PNPT1: variants seen among roughly 807,000 people sequenced by gnomAD.
The protein encoded by PNPT1 is polyribonucleotide nucleotidyltransferase 1, mitochondrial.
PNPT1 carries 53 observed loss-of-function variants against 119.5 expected under a neutral mutation model. The observed-to-expected ratio is 0.44, with a 90% CI of 0.36 to 0.56. PNPT1 has a LOEUF of 0.56. Among genes scored for constraint, PNPT1 ranks in the 20% least tolerant of loss-of-function variants. The pLI, the probability that PNPT1 is intolerant of heterozygous loss-of-function variation, is 0.00. For missense variants in PNPT1, 948 were observed against 938.5 expected, an observed-to-expected ratio of 1.01 and a Z score of -0.13; for synonymous variants, 357 against 322.1, an observed-to-expected ratio of 1.11 and a Z score of -1.16.
At position 55,645,512 on chromosome 2, in the gene PNPT1, T is replaced by C. The variant is rs1318596007; in HGVS notation, c.1739-80A>G. 6.6e-6 allele frequency: 6 copies of C among 907,056 alleles called. No homozygotes were observed. In the Admixed American group the frequency reaches 1.1e-4, roughly 16 times the overall value. The allele number at this position is 907,056 out of a possible 1,614,324, so 56.2% of individuals were successfully genotyped here. ...TACTGTACTCTTAGTTTTCACGGTA[T>C]ACAATCTAAACCCTGTAGCTTAATA... On this transcript the variant is annotated intron_variant, in intron 21 of 27. Transcript: ENST00000447944.
At position 55,682,098 on chromosome 2, in the gene PNPT1, G is replaced by A. The variant is rs577975382; in HGVS notation, c.454-1180C>T. ...GCGGAGCTTGCAGTGAGCCGAGATC[G>A]CGCCACTGTACTCCAGCCTGGTCGA... On this transcript the variant is annotated intron_variant, in intron 5 of 27. Coordinates refer to ENST00000447944, the MANE Select transcript of PNPT1 (RefSeq NM_033109.5). Among the ~76,000 whole-genome samples the A allele has an allele frequency of 5.3e-5, 8 of 152,096 alleles. No individual in the cohort carries two copies. The South Asian group carries it at 1.5e-3, about 28-fold the overall frequency.
At chr2:55,675,702 G>A in intron 8 of PNPT1, among the ~76,000 whole-genome samples, 1 of 151,808 alleles carries the variant, frequency 6.6e-6, no homozygotes, top group Non-Finnish European at 1.5e-5. Context: ...CTTAAAAAAA[G>A]AAAGAAAGAA....
At chr2:55,637,108 C>A (rs1695699826) in intron 27 of PNPT1, among the ~76,000 whole-genome samples, 1 of 152,168 alleles carries the variant, frequency 6.6e-6, no homozygotes, top group African/African-American at 2.4e-5. Context: ...TAAAGGACTA[C>A]AAAGAAAGGG....
chr2:55,644,339 T>G (rs533591555), intron 23 of PNPT1, among the ~76,000 whole-genome samples: 1 of 152,252 alleles, frequency 6.6e-6, no homozygotes, highest in Non-Finnish European at 1.5e-5. Context: ...AACTAAGTAA[T>G]AATTCCTCTA....
intron 25 of PNPT1, among the ~76,000 whole-genome samples, chr2:55,641,478 AG>A (rs916545340): frequency 1.5e-4 from 23 of 152,044 alleles, no homozygotes; most frequent in African/African-American, 5.5e-4. Flanking sequence ...GAAGTTGGCC[AG>A]GCTGGTCTCG....
intron 4 of PNPT1, 83 bp from the exon 5 acceptor site, chr2:55,683,917 C>G: frequency 7.6e-7 from 1 of 1,320,976 alleles, no homozygotes; most frequent in Non-Finnish European, 1.1e-6. Flanking sequence ...TATAGATAGC[C>G]ATTCAATATG....
chr2:55,672,242 TC>T (rs1696938731), intron 9 of PNPT1, among the ~76,000 whole-genome samples, 196 bp from the exon 10 acceptor site: 1 of 152,214 alleles, frequency 6.6e-6, no homozygotes, highest in Non-Finnish European at 1.5e-5. Context: ...CAAATTTCTT[TC>T]TCCCACCCTC....
chr2:55,693,712 G>C lies in PNPT1; in HGVS notation c.112C>G (p.Leu38Val). 1 of 1,614,194 alleles carries C rather than the reference G, an allele frequency of 6.2e-7. No individual in the cohort carries two copies. Among genetic ancestry groups the C allele is most frequent in the Non-Finnish European group, 8.5e-7 (1 of 1,180,036 alleles). The stretch of plus-strand genomic sequence containing the variant: ...GCTCGAGACCCTGCGCTACTCCATA[G>C]TGCTCGCACTTGCAACTGGGTGAGT... The part of the protein sequence containing the change: ...RALTQLQVRA[L>V]WSSAGSRAVA... Residue 38 changes from leucine (L) to valine (V), a missense_variant, in exon 1 of 28, where the codon CTA becomes GTA. Coordinates refer to ENST00000447944, the MANE Select transcript of PNPT1 (RefSeq NM_033109.5).
At chr2:55,680,665 A>G (rs1480507643) in intron 7 of PNPT1, 47 bp downstream of exon 7, 4 of 1,375,592 alleles carry the variant, frequency 2.9e-6, no homozygotes, top group Non-Finnish European at 4.0e-6. Flanking sequence ...CTACTTACTG[A>G]AAAAAAAAAT....
intron 9 of PNPT1, 95 bp from the exon 10 acceptor site, chr2:55,672,141 G>C: frequency 1.1e-6 from 1 of 899,702 alleles, no homozygotes; most frequent in Non-Finnish European, 1.7e-6. Context: ...ATAATAATCA[G>C]CTAAAACTTT....
intron 18 of PNPT1, among the ~76,000 whole-genome samples, chr2:55,650,174 C>CT (rs1553494822): frequency 6.6e-6 from 1 of 152,088 alleles, no homozygotes; most frequent in Non-Finnish European, 1.5e-5. Flanking sequence ...CTACCTCTAC[C>CT]CACGGTCTCC....
At chr2:55,653,090 C>T (rs1180298959) in intron 18 of PNPT1, among the ~76,000 whole-genome samples, 1 of 152,200 alleles carries the variant, frequency 6.6e-6, no homozygotes, top group Non-Finnish European at 1.5e-5. Context: ...TCAAGTGATC[C>T]ACCCACCTCA....
At chr2:55,655,317 T>C (rs571941963) in intron 17 of PNPT1, among the ~76,000 whole-genome samples, 28 of 152,190 alleles carry the variant, frequency 1.8e-4, no homozygotes, top group Non-Finnish European at 3.7e-4. Flanking sequence ...GTATTTTTAG[T>C]ACAGACAGAG....
At chr2:55,660,120 T>C (rs756363334) in intron 15 of PNPT1, 37 bp downstream of exon 15, 1 of 1,534,396 alleles carries the variant, frequency 6.5e-7, no homozygotes, top group Non-Finnish European at 8.8e-7. Context: ...ATTTATTAAT[T>C]TATTAATAAA....
At chr2:55,641,237 T>C (rs1235254756) in intron 25 of PNPT1, among the ~76,000 whole-genome samples, 1 of 152,070 alleles carries the variant, frequency 6.6e-6, no homozygotes, top group African/African-American at 2.4e-5. Context: ...AAAAAAACTT[T>C]TAGAATATAT....
chr2:55,636,817 T>C (rs570928574), intron 27 of PNPT1, among the ~76,000 whole-genome samples: 1 of 152,302 alleles, frequency 6.6e-6, no homozygotes, highest in Middle Eastern at 3.4e-3. Flanking sequence ...GGCTTCACCT[T>C]GGAAAATGAA....
chr2:55,656,388 CACAA>C lies in PNPT1; in HGVS notation c.1285-21_1285-18del. On this transcript the variant is annotated intron_variant, in intron 15 of 27. Coordinates refer to ENST00000447944, the MANE Select transcript of PNPT1 (RefSeq NM_033109.5). ...AGGAGGAAACTTAAAAAAAAAAAAACACAAACACACATATACAATTGACATAGAA... is the reference window on the plus strand; with the variant it reads ...AGGAGGAAACTTAAAAAAAAAAAAACACACACATATACAATTGACATAGAA... The C allele has an allele frequency of 1.4e-6, 2 of 1,425,368 alleles. No individual in the cohort carries two copies. The highest frequency in any genetic ancestry group is 1.9e-6 in the Non-Finnish European group (2 of 1,032,350). The allele number at this position is 1,425,368 out of a possible 1,614,324, so 88.3% of individuals were successfully genotyped here.
intron 18 of PNPT1, among the ~76,000 whole-genome samples, chr2:55,650,441 C>T (rs1283963811): frequency 6.6e-6 from 1 of 152,202 alleles, no homozygotes; most frequent in Non-Finnish European, 1.5e-5. Flanking sequence ...TCGTTCACTC[C>T]ATGCTCAATG....
chr2:55,651,146 C>T (rs1404625906), intron 18 of PNPT1, among the ~76,000 whole-genome samples: 4 of 150,794 alleles, frequency 2.7e-5, no homozygotes, highest in South Asian at 2.1e-4. Context: ...GCCGCCCCTA[C>T]TGGGAAGTGA....
Sources: allele counts gnomAD v4.1 joint callset (sites outside exome capture counted in the v4.1 genomes callset), GRCh38; gene constraint gnomAD v4.1.1; transcripts MANE v1.5; gene names NCBI Gene and HGNC (gene_info 2026-07-23, HGNC 2026-07-21).